SLC26A6: variants seen among roughly 807,000 people sequenced by gnomAD.
SLC26A6 encodes solute carrier family 26 member 6.
A neutral mutation model predicts 87.1 loss-of-function variants in SLC26A6; 67 were observed. That is an observed-to-expected ratio of 0.77 (90% confidence interval 0.63 to 0.94). The LOEUF (loss-of-function observed/expected upper bound fraction) is 0.94, where lower values mean the gene tolerates loss of function less well. Among genes scored for constraint, SLC26A6 ranks in the 40% least tolerant of loss-of-function variants. The pLI is 0.00. For missense variants in SLC26A6, 902 were observed against 973.0 expected, an observed-to-expected ratio of 0.93 and a Z score of 0.97; for synonymous variants, 414 against 405.9, an observed-to-expected ratio of 1.02 and a Z score of -0.24.
intron 1 of SLC26A6, chr3:48,634,211 G>T (rs2046890509): frequency 6.4e-6 from 1 of 155,546 alleles, no homozygotes; most frequent in Non-Finnish European, 1.4e-5. Flanking sequence ...CCTGTTATGG[G>T]GAAGCCAAGG....
At chr3:48,630,892 G>C (rs1450633612) in intron 9 of SLC26A6, 101 bp downstream of exon 9, 2 of 1,563,628 alleles carry the variant, frequency 1.3e-6, no homozygotes, top group Non-Finnish European at 1.7e-6. Flanking sequence ...CGTGGCCTCA[G>C]CACATCTGCT....
rs148621580 is a variant in SLC26A6, at chr3:48,632,155, A to G, written c.585+90T>C. The G allele has an allele frequency of 2.9e-4, 464 of 1,577,776 alleles. 2 individuals carry two copies. The African/African-American group carries it at 5.0e-3, about 17-fold the overall frequency. On this transcript the variant is annotated intron_variant, in intron 5 of 20. Coordinates refer to ENST00000395550, the MANE Select transcript of SLC26A6 (RefSeq NM_022911.3). Reference sequence around the variant, plus strand: ...ATGAGTAGACGGCAAGAGGAGGACGACGATGGTCAGACACTCAGGGGAGTA... The same window carrying G: ...ATGAGTAGACGGCAAGAGGAGGACGGCGATGGTCAGACACTCAGGGGAGTA...
In SLC26A6 at chr3:48,626,638, GGCC is replaced by G. The variant is rs1238516466; in HGVS notation, c.2118_2120del (p.Ala707del). 5 of 1,614,072 alleles carry G rather than the reference GGCC, an allele frequency of 3.1e-6. No individual in the cohort carries two copies. The African/African-American group carries it at 5.3e-5, about 17-fold the overall frequency. The stretch of plus-strand genomic sequence containing the variant: ...TGTTCCCACCCTACTCACTGTGGCA[GGCC>G]GCCATGTACACCTCCACCTCAATCT... On this transcript the variant is annotated inframe_deletion, in exon 19 of 21. Coordinates refer to ENST00000395550, the MANE Select transcript of SLC26A6 (RefSeq NM_022911.3).
At position 48,631,137 on chromosome 3, in the gene SLC26A6, C is replaced by G; in HGVS notation, c.990G>C (p.Leu330=). ...VDVVGNIPAG[L]VPPVAPNTQL... is the part of the protein sequence containing the mutation. The stretch of plus-strand genomic sequence containing the variant: ...GGGTGTTGGGGGCCACTGGGGGCAC[C>G]AGCCTGTGAGAGGTATCTGTGAGGC... The change falls in exon 9 of 21, where the codon CTG becomes CTC. Residue 330 remains leucine (L), a synonymous_variant. Transcript: ENST00000395550. 5.6e-6 allele frequency: 9 copies of G among 1,613,686 alleles called. No homozygotes were observed. Among genetic ancestry groups the G allele is most frequent in the Non-Finnish European group, 7.6e-6 (9 of 1,180,002 alleles).
rs1264961855 is a variant in SLC26A6, at chr3:48,628,495, A to T, written c.1739T>A (p.Leu580His). 1.2e-6 allele frequency: 2 copies of T among 1,613,850 alleles called. No homozygotes were observed. The highest frequency in any genetic ancestry group is 1.7e-6 in the Non-Finnish European group (2 of 1,179,974). The change falls in exon 16 of 21, where the codon CTC becomes CAC. Residue 580 changes from leucine to histidine, a missense_variant. By Grantham distance (99) the Leu-to-His change is moderately conservative. Transcript: ENST00000395550. This position sits in a 1 kb window ranked among gnomAD's most constrained non-coding sequence, Gnocchi z 4.4. The stretch of plus-strand genomic sequence containing the variant: ...CAGCTTCAGCTGCTCCTGCTTCTTG[A>T]GCAGTTTCTTCTTCTGGGAGATGAG... The part of the protein sequence containing the change: ...DFLISQKKKL[L>H]KKQEQLKLKQ...
intron 19 of SLC26A6, 45 bp downstream of exon 19, chr3:48,626,586 C>T (rs1365228509): frequency 1.2e-6 from 2 of 1,613,466 alleles, no homozygotes; most frequent in Middle Eastern, 1.6e-4. Context: ...CCAAAAGTAT[C>T]CTACCCTCTT....
chr3:48,631,728 A>G lies in SLC26A6; in HGVS notation c.824T>C (p.Val275Ala). ...CAACAGCTTCACCACCACGAGCACC[A>G]CCCCAGCCACAGCTGCAGTGACCAC... is the stretch of plus-strand genomic sequence containing the variant. ...GTVVTAAVAG[V>A]VLVVVKLLND... is the part of the protein sequence containing the mutation. The change falls in exon 7 of 21, where the codon GTG (valine) becomes GCG (alanine). Residue 275 changes from valine (V) to alanine (A), a missense_variant. Val to Ala is a moderately conservative substitution (Grantham distance 64). Transcript: ENST00000395550. 1 of 1,611,712 alleles carries G rather than the reference A, an allele frequency of 6.2e-7. No individual in the cohort carries two copies. The highest frequency in any genetic ancestry group is 1.1e-5 in the South Asian group (1 of 91,070).
chr3:48,628,409 G>A lies in SLC26A6; in HGVS notation c.1800+25C>T, dbSNP rs763953021. On this transcript the variant is annotated intron_variant, in intron 16 of 20. Transcript: ENST00000395550. The surrounding 1 kb of genome is among the most constrained non-coding windows in gnomAD (Gnocchi z 4.4). ...CAGGGAACAGGGGGCAGGAGATGGG[G>A]GTCACCAGACAAAAGGGGCCCTGCC... is the stretch of plus-strand genomic sequence containing the variant. The A allele has an allele frequency of 6.2e-7, 1 of 1,613,094 alleles. No homozygotes were observed. Among genetic ancestry groups the A allele is most frequent in the South Asian group, 1.1e-5 (1 of 91,038 alleles).
intron 4 of SLC26A6, 191 bp downstream of exon 4, chr3:48,632,783 G>T: frequency 1.5e-6 from 1 of 689,380 alleles, no homozygotes; most frequent in Non-Finnish European, 2.5e-6. Context: ...GGGCTTTGAG[G>T]TCACCTGCCT....
chr3:48,630,737 C>T lies in SLC26A6; in HGVS notation c.1135-17G>A, dbSNP rs114135552. On this transcript the variant is annotated splice_polypyrimidine_tract_variant and intron_variant, in intron 9 of 20. Transcript: ENST00000395550. The stretch of plus-strand genomic sequence containing the variant: ...CACCAGCTCCTGACGGGGGACAGTA[C>T]GGGTGTGAGAAGACTTCCTAGAAGT... 8.2e-6 allele frequency: 13 copies of T among 1,583,666 alleles called. No individual in the cohort carries two copies. Among genetic ancestry groups the T allele is most frequent in the South Asian group, 5.7e-5 (5 of 87,950 alleles).
chr3:48,627,412 C>CTCG (rs1275808213), intron 17 of SLC26A6: 26 of 263,094 alleles, frequency 9.9e-5, no homozygotes, highest in Non-Finnish European at 1.2e-4. Flanking sequence ...ATGCAGACAC[C>CTCG]TCGGCACCCT....
chr3:48,631,835 G>C lies in SLC26A6; in HGVS notation c.751-34C>G, dbSNP rs1296000265. ...AGGCCAGGTCACAGCTAGCACTCAA[G>C]GCCATGGGGCACACCTACCCCTCCC... On this transcript the variant is annotated intron_variant, in intron 6 of 20. Coordinates refer to ENST00000395550, the MANE Select transcript of SLC26A6 (RefSeq NM_022911.3). The C allele has an allele frequency of 2.5e-6, 4 of 1,613,078 alleles. No individual in the cohort carries two copies. The East Asian group carries it at 6.7e-5, about 27-fold the overall frequency.
chr3:48,634,227 C>T (rs2046891060), intron 1 of SLC26A6: 1 of 154,682 alleles, frequency 6.5e-6, no homozygotes, highest in Non-Finnish European at 1.4e-5. Context: ...CAAGGACTGG[C>T]TCTCACCTGA....
rs369221640 is a variant in SLC26A6, at chr3:48,631,955, C to G, written c.675G>C (p.Gln225His). The G allele has an allele frequency of 1.4e-4, 232 of 1,613,430 alleles. No homozygotes were observed. Among genetic ancestry groups the G allele is most frequent in the Non-Finnish European group, 1.9e-4 (224 of 1,180,036 alleles). ...VRGYTTAAAVQVFVSQLKYVF... is the reference protein window; with the variant it reads ...VRGYTTAAAVHVFVSQLKYVF... ...CATACTTGAGCTGTGAGACGAAGAC[C>G]TGCACAGCTGCAGCTGTGGTATAGC... Residue 225 changes from glutamine to histidine, a missense_variant, in exon 6 of 21, where the codon CAG becomes CAC. By Grantham distance (24) the Gln-to-His change is conservative. This residue lies in a region of SLC26A6 where 800 missense variants were observed against 856.8 expected (regional missense o/e 0.93). Transcript: ENST00000395550.
rs1236315119 is a variant in SLC26A6, at chr3:48,632,267, C to CT, written c.562dup (p.Ser188LysfsTer98). On this transcript the variant is annotated frameshift_variant, in exon 5 of 21. Transcript: ENST00000395550. LOFTEE classifies it high-confidence loss of function. ...CACCTGGAAGAGGCCAACCAGGACA[C>CT]TGAGTGTGGAGGCCACCTGTACCCG... 6 of 1,609,030 alleles carry CT rather than the reference C, an allele frequency of 3.7e-6. No individual in the cohort carries two copies. Among genetic ancestry groups the CT allele is most frequent in the Non-Finnish European group, 5.1e-6 (6 of 1,177,604 alleles).
intron 11 of SLC26A6, 78 bp downstream of exon 11, chr3:48,630,360 C>A: frequency 6.8e-7 from 1 of 1,465,962 alleles, no homozygotes; most frequent in Non-Finnish European, 9.3e-7. Context: ...TGTCCCCACC[C>A]CTCGCCTGAA....
In SLC26A6 at chr3:48,633,317, C is replaced by G; in HGVS notation, c.256G>C (p.Val86Leu). 1 of 1,613,632 alleles carries G rather than the reference C, an allele frequency of 6.2e-7. No homozygotes were observed. Among genetic ancestry groups the G allele is most frequent in the Non-Finnish European group, 8.5e-7 (1 of 1,180,012 alleles). ...PVLVWLPRYP[V>L]RDWLLGDLLS... is the part of the protein sequence containing the mutation. ...AGGTCACCCAGGAGCCAGTCACGCA[C>G]AGGATACCGGGGTAACCAGACCAAA... is the stretch of plus-strand genomic sequence containing the variant. The change falls in exon 3 of 21, where the codon GTG (valine) becomes CTG (leucine). Residue 86 changes from valine to leucine, a missense_variant. By Grantham distance (32) the Val-to-Leu change is conservative (BLOSUM62 1). Around this residue, in one of 3 missense-constraint regions of SLC26A6, gnomAD observed 800 missense variants for 856.8 expected, o/e 0.93. Coordinates refer to ENST00000395550, the MANE Select transcript of SLC26A6 (RefSeq NM_022911.3).
chr3:48,634,638 C>T (rs1239076431), intron 1 of SLC26A6: 2 of 791,308 alleles, frequency 2.5e-6, no homozygotes, highest in Non-Finnish European at 3.1e-6. Flanking sequence ...AAAACTCTAG[C>T]CTGTTGGGGA....
At chr3:48,626,411 C>T (rs969471286) in intron 19 of SLC26A6, 57 bp from the exon 20 acceptor site, 118 of 1,610,538 alleles carry the variant, frequency 7.3e-5, no homozygotes, top group Middle Eastern at 3.3e-4. Context: ...ACTCAACTCC[C>T]GGGAGCCAAC....
Sources: allele counts gnomAD v4.1 joint callset, GRCh38; gene constraint gnomAD v4.1.1; regional missense constraint gnomAD v4.1.1; non-coding constraint Gnocchi (gnomAD v3.1); transcripts MANE v1.5; gene names NCBI Gene and HGNC (gene_info 2026-07-23, HGNC 2026-07-21).